BTG4: variants seen among roughly 807,000 people sequenced by gnomAD.
The protein encoded by BTG4 is BTG anti-proliferation factor 4, also known as protein BTG4.
In BTG4, 10 loss-of-function variants were observed where a neutral mutation model predicts 19.3. The observed-to-expected ratio is 0.52, with a 90% CI of 0.32 to 0.88. The LOEUF (loss-of-function observed/expected upper bound fraction) is 0.88, where lower values mean the gene tolerates loss of function less well. Among genes scored for constraint, BTG4 ranks in the 40% least tolerant of loss-of-function variants. The pLI is 0.04. For missense variants in BTG4, 238 were observed against 281.9 expected, an observed-to-expected ratio of 0.84 and a Z score of 1.11; for synonymous variants, 91 against 95.7, an observed-to-expected ratio of 0.95 and a Z score of 0.29.
upstream of BTG4, chr11:111,513,375 C>G (rs1867088876): frequency 5.6e-6 from 3 of 532,814 alleles, no homozygotes. Flanking sequence ...CCAACTCAAC[C>G]AATGAATTGC....
chr11:111,440,595 A>C, the BTG4 span, among the ~76,000 whole-genome samples: 4 of 152,154 alleles, frequency 2.6e-5, no homozygotes, highest in Non-Finnish European at 4.4e-5. Flanking sequence ...CCTCTTACCT[A>C]CCTTGGCTGT....
chr11:111,399,510 C>T, the BTG4 span, among the ~76,000 whole-genome samples: 1 of 152,182 alleles, frequency 6.6e-6, no homozygotes, highest in South Asian at 2.1e-4. Flanking sequence ...GATATTTACC[C>T]CTTCACTTTC....
chr11:111,512,917 A>T, upstream of BTG4: 1 of 443,856 alleles, frequency 2.3e-6, no homozygotes, highest in Non-Finnish European at 4.6e-6. Context: ...ACCGTCCGGG[A>T]GCTGCAGCCG....
the BTG4 span, among the ~76,000 whole-genome samples, chr11:111,460,891 C>A: frequency 1.3e-5 from 2 of 152,144 alleles, no homozygotes; most frequent in African/African-American, 4.8e-5. Flanking sequence ...ACAGTCAACA[C>A]CCCCATGGCA....
the BTG4 span, among the ~76,000 whole-genome samples, chr11:111,446,656 T>C: frequency 8.7e-6 from 1 of 115,030 alleles, no homozygotes; most frequent in Non-Finnish European, 1.9e-5. Flanking sequence ...CACACACACA[T>C]CCTCCCCTGC....
intron 5 of BTG4, among the ~76,000 whole-genome samples, chr11:111,468,173 G>T (rs1439168704): frequency 1.3e-5 from 2 of 152,142 alleles, no homozygotes; most frequent in African/African-American, 4.8e-5. Flanking sequence ...TTGTTGGGGG[G>T]TTTAATAAAA....
the BTG4 span, among the ~76,000 whole-genome samples, chr11:111,459,054 C>T: frequency 6.6e-6 from 1 of 152,096 alleles, no homozygotes; most frequent in Non-Finnish European, 1.5e-5. Flanking sequence ...CCAGCTTGAT[C>T]AATATGGTGA....
chr11:111,425,757 C>T, the BTG4 span, among the ~76,000 whole-genome samples: 3 of 152,110 alleles, frequency 2.0e-5, no homozygotes, highest in East Asian at 3.9e-4. Context: ...TGAGGGCGGG[C>T]ACAGTGGCTG....
chr11:111,388,396 A>G, the BTG4 span, among the ~76,000 whole-genome samples: 1 of 151,580 alleles, frequency 6.6e-6, no homozygotes, highest in East Asian at 1.9e-4. Flanking sequence ...AACCCTAGAC[A>G]ACCAAACACT....
At chr11:111,434,232 T>G in the BTG4 span, among the ~76,000 whole-genome samples, 1 of 152,152 alleles carries the variant, frequency 6.6e-6, no homozygotes, top group African/African-American at 2.4e-5. Context: ...AAAAAAAGGA[T>G]GAACTCATGC....
chr11:111,500,606 G>A (rs1440623161), intron 1 of BTG4, among the ~76,000 whole-genome samples: 1 of 152,012 alleles, frequency 6.6e-6, no homozygotes, highest in Non-Finnish European at 1.5e-5. Context: ...CTTTTTAAGA[G>A]TTTTTCCTAC....
At chr11:111,453,593 A>C in the BTG4 span, 16 of 444,916 alleles carry the variant, frequency 3.6e-5, no homozygotes, top group African/African-American at 3.2e-4. Context: ...GGTGAGTGAC[A>C]GGTGGGCTAG....
upstream of BTG4, chr11:111,513,597 A>G (rs559665179): frequency 6.9e-6 from 3 of 437,026 alleles, no homozygotes; most frequent in African/African-American, 2.0e-5. Context: ...GATTTCATCC[A>G]TTGCCTATTA....
chr11:111,455,968 C>A, the BTG4 span: 18 of 351,288 alleles, frequency 5.1e-5, no homozygotes, highest in East Asian at 1.4e-3. Flanking sequence ...CAGTTCCACC[C>A]CCAGACACCC....
downstream of BTG4, among the ~76,000 whole-genome samples, chr11:111,489,955 G>A (rs867580362): frequency 9.9e-5 from 15 of 151,952 alleles, no homozygotes; most frequent in Admixed American, 7.9e-4. Context: ...GACCATAGTC[G>A]ATAAGTTACT....
At chr11:111,400,496 A>AC in the BTG4 span, among the ~76,000 whole-genome samples, 1 of 152,240 alleles carries the variant, frequency 6.6e-6, no homozygotes, top group African/African-American at 2.4e-5. Context: ...AAACATATTA[A>AC]ATGTCTGAAC....
chr11:111,416,381 C>T, the BTG4 span: 1 of 151,990 alleles, frequency 6.6e-6, no homozygotes, highest in Non-Finnish European at 1.5e-5. Flanking sequence ...TTGATTAGAT[C>T]GTTACATTCA....
In BTG4 at chr11:111,497,979, A is replaced by G; in HGVS notation, c.311+19T>C. On this transcript the variant is annotated intron_variant, in intron 3 of 4. Coordinates refer to ENST00000692032, the MANE Select transcript of BTG4 (RefSeq NM_001367975.1). ...GGTTTCCAGGTATCACACAGCACAC[A>G]AACTATGAGATTACTCACCTACAGC... 6.2e-7 allele frequency: 1 copy of G among 1,611,582 alleles called. No individual in the cohort carries two copies. Among genetic ancestry groups the G allele is most frequent in the South Asian group, 1.1e-5 (1 of 90,804 alleles).
chr11:111,452,321 G>A, the BTG4 span: 51,422 of 152,258 alleles, frequency 0.34, 10,561 homozygotes, highest in South Asian at 0.61. Flanking sequence ...TATTTGGTCG[G>A]TGTTGGCCGG....
Sources: allele counts gnomAD v4.1 joint callset (sites outside exome capture counted in the v4.1 genomes callset), GRCh38; gene constraint gnomAD v4.1.1; transcripts MANE v1.5; gene names NCBI Gene and HGNC (gene_info 2026-07-23, HGNC 2026-07-21).